The following NR3C2 variants were observed in gnomAD, a reference collection of about 807,000 sequenced individuals.
NR3C2 encodes the protein mineralocorticoid receptor.
Under a neutral mutation model 86.4 loss-of-function variants are expected in NR3C2, and 15 were observed. That is an observed-to-expected ratio of 0.17 (90% CI 0.12 to 0.27). NR3C2 has a LOEUF of 0.27. Ranked by LOEUF, NR3C2 falls within the 10% of genes least tolerant of loss-of-function variation. NR3C2 has a pLI of 1.00. For missense variants in NR3C2, 960 were observed against 1,195.6 expected, an observed-to-expected ratio of 0.80 and a Z score of 2.91; for synonymous variants, 458 against 450.5, an observed-to-expected ratio of 1.02 and a Z score of -0.21.
chr4:148,278,116 G>T (rs7670084), intron 2 of NR3C2, among the ~76,000 whole-genome samples: 4 of 39,466 alleles, frequency 1.0e-4, no homozygotes, highest in African/African-American at 2.8e-4. Context: ...TTGTTTGTTT[G>T]TTTGAGACAG....
chr4:148,259,341 T>C (rs1676824076), intron 3 of NR3C2, among the ~76,000 whole-genome samples: 1 of 152,208 alleles, frequency 6.6e-6, no homozygotes, highest in Non-Finnish European at 1.5e-5. Flanking sequence ...TGGGGAAAGG[T>C]AAAAATAAAT....
intron 6 of NR3C2, among the ~76,000 whole-genome samples, chr4:148,151,261 T>C (rs2056471): frequency 0.43 from 65,189 of 151,584 alleles, 14,156 homozygotes; most frequent in East Asian, 0.56. Flanking sequence ...TCTTATTTAC[T>C]CACGTCCTTT....
chr4:148,409,873 C>T (rs887059337), intron 2 of NR3C2, among the ~76,000 whole-genome samples: 5 of 151,952 alleles, frequency 3.3e-5, no homozygotes, highest in Non-Finnish European at 5.9e-5. Context: ...GGAAAATATA[C>T]TTTATTTCTC....
At chr4:148,161,090 CAG>C (rs1294183159) in intron 4 of NR3C2, among the ~76,000 whole-genome samples, 6 of 131,750 alleles carry the variant, frequency 4.6e-5, no homozygotes, top group Non-Finnish European at 8.8e-5. Flanking sequence ...AACTGGGTCC[CAG>C]GGCAATAAAT....
intron 3 of NR3C2, among the ~76,000 whole-genome samples, chr4:148,240,250 AT>A (rs1738958292): frequency 6.8e-6 from 1 of 147,718 alleles, no homozygotes; most frequent in Admixed American, 6.8e-5. Flanking sequence ...TTATATATAT[AT>A]TTATATATAA....
chr4:148,252,251 C>CT (rs754994837), intron 3 of NR3C2, among the ~76,000 whole-genome samples: 10 of 152,120 alleles, frequency 6.6e-5, no homozygotes, highest in Non-Finnish European at 1.2e-4. Flanking sequence ...AGGATCATAC[C>CT]TTTAAGTCTT....
chr4:148,154,763 G>A lies in NR3C2; in HGVS notation c.2153C>T (p.Ser718Leu), dbSNP rs749442977. The change falls in exon 5 of 9, where the codon TCG becomes TTG. Residue 718 changes from serine to leucine, a missense_variant. Coordinates refer to ENST00000358102, the MANE Select transcript of NR3C2 (RefSeq NM_000901.5). The part of the protein sequence containing the change: ...TTYIAPAKEP[S>L]VNTALVPQLS... ...CTGAGGAACCAGTGCTGTGTTGACC[G>A]AGGGTTCTTTTGCAGGAGCGATGTA... is the stretch of plus-strand genomic sequence containing the variant. The A allele has an allele frequency of 3.8e-5, 61 of 1,610,394 alleles. No homozygotes were observed. The highest frequency in any genetic ancestry group is 4.8e-5 in the Non-Finnish European group (56 of 1,178,550).
intron 8 of NR3C2, among the ~76,000 whole-genome samples, chr4:148,094,100 C>T (rs565553995): frequency 1.3e-5 from 2 of 152,276 alleles, no homozygotes; most frequent in South Asian, 4.1e-4. Context: ...TGCTTGACAT[C>T]TCCAGTCATC....
intron 3 of NR3C2, among the ~76,000 whole-genome samples, chr4:148,252,759 T>C (rs1739637865): frequency 6.6e-6 from 1 of 152,186 alleles, no homozygotes; most frequent in Admixed American, 6.5e-5. Context: ...ATTCTTTATA[T>C]CATCTCCATT....
intron 2 of NR3C2, among the ~76,000 whole-genome samples, chr4:148,342,224 G>C (rs773868802): frequency 6.6e-6 from 1 of 152,008 alleles, no homozygotes; most frequent in African/African-American, 2.4e-5. Flanking sequence ...AGCGAAGTAC[G>C]TGGCTTTTCT....
intron 2 of NR3C2, among the ~76,000 whole-genome samples, chr4:148,371,641 T>C (rs1048951515): frequency 6.6e-6 from 1 of 151,732 alleles, no homozygotes; most frequent in Non-Finnish European, 1.5e-5. Flanking sequence ...GAGGAAAAGA[T>C]ATTCAAAAGC....
In NR3C2 at chr4:148,121,579, C is replaced by A. The variant is rs187079348; in HGVS notation, c.2511-1291G>T. Among the ~76,000 whole-genome samples the A allele has an allele frequency of 1.6e-4, 24 of 152,306 alleles. No homozygotes were observed. The East Asian group carries it at 4.2e-3, about 27-fold the overall frequency. On this transcript the variant is annotated intron_variant, in intron 6 of 8. Transcript: ENST00000358102. ...TTAAGGCCCACTCTGCCTTCTTCCCCAATCCCATCCATCTCTTCCTCTTTC... is the reference window on the plus strand; with the variant it reads ...TTAAGGCCCACTCTGCCTTCTTCCCAAATCCCATCCATCTCTTCCTCTTTC...
chr4:148,427,224 G>T (rs1010493811), intron 2 of NR3C2, among the ~76,000 whole-genome samples: 1 of 151,740 alleles, frequency 6.6e-6, no homozygotes, highest in African/African-American at 2.4e-5. Context: ...CAAAAGGCTG[G>T]GATTACACTG....
chr4:148,392,379 T>C (rs903005159), intron 2 of NR3C2, among the ~76,000 whole-genome samples: 1 of 152,246 alleles, frequency 6.6e-6, no homozygotes, highest in African/African-American at 2.4e-5. Flanking sequence ...GAATTCACTA[T>C]AGGAAACCAA....
chr4:148,224,244 T>TCAA (rs769520907), intron 3 of NR3C2, among the ~76,000 whole-genome samples: 9 of 144,940 alleles, frequency 6.2e-5, no homozygotes, highest in Non-Finnish European at 1.3e-4. Context: ...AGCTAGAGAG[T>TCAA]CAAGAATTTT....
At chr4:148,152,030 A>T (rs924574811) in intron 6 of NR3C2, among the ~76,000 whole-genome samples, 1 of 152,228 alleles carries the variant, frequency 6.6e-6, no homozygotes, top group African/African-American at 2.4e-5. Context: ...TCATGAAAAC[A>T]CATTGAGCAG....
chr4:148,442,745 G>A, upstream of NR3C2: 4 of 985,424 alleles, frequency 4.1e-6, no homozygotes, highest in Non-Finnish European at 4.8e-6. Flanking sequence ...CGCGGCGGGA[G>A]CTTGGGGTGC....
chr4:148,438,469 T>C (rs1393857428), intron 1 of NR3C2, among the ~76,000 whole-genome samples: 2 of 152,324 alleles, frequency 1.3e-5, no homozygotes, highest in East Asian at 3.9e-4. Context: ...TCAAAGTCTG[T>C]AAACAATCTA....
intron 6 of NR3C2, among the ~76,000 whole-genome samples, chr4:148,148,509 G>T (rs1342634149): frequency 1.3e-5 from 2 of 152,142 alleles, no homozygotes; most frequent in African/African-American, 2.4e-5. Context: ...CCAAGTCTCT[G>T]ATGTGGCCTC....
Sources: gnomAD v4.1 joint callset for allele counts (sites outside exome capture counted in the v4.1 genomes callset) on GRCh38, gnomAD v4.1.1 for gene constraint, MANE v1.5 for transcripts, NCBI Gene and HGNC (gene_info 2026-07-23, HGNC 2026-07-21) for gene names.